SEMA6D: variants seen among roughly 807,000 people sequenced by gnomAD.
The protein encoded by SEMA6D is semaphorin-6D.
In SEMA6D, 35 loss-of-function variants were observed where a neutral mutation model predicts 106.6. The ratio of observed to expected loss-of-function variants is 0.33; its 90% CI spans 0.25 to 0.44. The LOEUF is 0.44. Ranked by LOEUF, SEMA6D falls within the 20% of genes least tolerant of loss-of-function variation. SEMA6D has a pLI of 1.00. For missense variants in SEMA6D, 1,185 were observed against 1,345.9 expected (o/e 0.88, Z 1.87); for synonymous variants, 499 against 487.7 (o/e 1.02, Z -0.31).
intron 1 of SEMA6D, among the ~76,000 whole-genome samples, chr15:47,741,524 C>T (rs764038275): frequency 2.0e-5 from 3 of 152,192 alleles, no homozygotes; most frequent in Non-Finnish European, 4.4e-5. Context: ...CAAGACCAGC[C>T]TGACCAACGT....
intron 1 of SEMA6D, among the ~76,000 whole-genome samples, chr15:47,297,405 C>T (rs750897832): frequency 2.0e-5 from 3 of 152,136 alleles, no homozygotes; most frequent in African/African-American, 7.2e-5. Context: ...TCATATAACC[C>T]GTTACTTTTT....
At chr15:47,438,821 C>T (rs536614327) in intron 2 of SEMA6D, among the ~76,000 whole-genome samples, 4 of 151,888 alleles carry the variant, frequency 2.6e-5, no homozygotes, top group South Asian at 2.1e-4. Context: ...AAACTCCATG[C>T]GGGAGAGAGG....
chr15:47,389,327 A>ACCTTG (rs2039951439), intron 1 of SEMA6D, among the ~76,000 whole-genome samples: 1 of 152,114 alleles, frequency 6.6e-6, no homozygotes, highest in Admixed American at 6.5e-5. Flanking sequence ...CCTTAAGGAG[A>ACCTTG]CTTTGACATT....
chr15:47,544,537 G>T (rs187757488), intron 3 of SEMA6D, among the ~76,000 whole-genome samples: 1 of 152,062 alleles, frequency 6.6e-6, no homozygotes, highest in Non-Finnish European at 1.5e-5. Context: ...AAGTATTAGT[G>T]CATCAGGCCA....
intron 2 of SEMA6D, among the ~76,000 whole-genome samples, chr15:47,434,005 C>T (rs2041621680): frequency 6.6e-6 from 1 of 152,084 alleles, no homozygotes; most frequent in Non-Finnish European, 1.5e-5. Flanking sequence ...AGTAAGTTTT[C>T]ATCATCTGAA....
intron 3 of SEMA6D, among the ~76,000 whole-genome samples, chr15:47,588,858 C>T (rs1035848527): frequency 1.3e-5 from 2 of 152,112 alleles, no homozygotes; most frequent in African/African-American, 4.8e-5. Flanking sequence ...GGTTCTCGAT[C>T]AGGGCAGTTT....
intron 3 of SEMA6D, among the ~76,000 whole-genome samples, chr15:47,483,138 G>A (rs2043200419): frequency 1.3e-5 from 2 of 152,160 alleles, no homozygotes; most frequent in South Asian, 4.2e-4. Context: ...GGGCATGGAG[G>A]GAATTTGGAG....
At chr15:47,725,806 G>T (rs1034155529) in intron 1 of SEMA6D, among the ~76,000 whole-genome samples, 1 of 121,728 alleles carries the variant, frequency 8.2e-6, no homozygotes, top group Admixed American at 8.7e-5. Flanking sequence ...GAATGATCAA[G>T]TCAATTGCTT....
At chr15:47,720,635 C>T (rs1307616521) in intron 1 of SEMA6D, among the ~76,000 whole-genome samples, 1 of 152,130 alleles carries the variant, frequency 6.6e-6, no homozygotes, top group Non-Finnish European at 1.5e-5. Flanking sequence ...TGGTTTCTGT[C>T]GCTTGAAAGG....
At chr15:47,341,237 A>T (rs1486732001) in intron 1 of SEMA6D, among the ~76,000 whole-genome samples, 1 of 152,044 alleles carries the variant, frequency 6.6e-6, no homozygotes, top group Non-Finnish European at 1.5e-5. Context: ...TAAAAATACA[A>T]AAATTAAGCA....
At chr15:47,344,099 T>C (rs2037942571) in intron 1 of SEMA6D, among the ~76,000 whole-genome samples, 1 of 152,132 alleles carries the variant, frequency 6.6e-6, no homozygotes, top group Non-Finnish European at 1.5e-5. Flanking sequence ...CTGGAGAGGA[T>C]GTGGAGAAAT....
intron 1 of SEMA6D, chr15:47,730,985 A>G (rs983857302): frequency 1.1e-5 from 7 of 645,130 alleles, no homozygotes; most frequent in African/African-American, 1.8e-5. Context: ...TTACCTAAGC[A>G]GTACAATCAA....
chr15:47,486,129 G>C (rs1255392421), intron 3 of SEMA6D, among the ~76,000 whole-genome samples: 1 of 152,172 alleles, frequency 6.6e-6, no homozygotes, highest in Non-Finnish European at 1.5e-5. Context: ...CCAGACATAA[G>C]AACTCATTTT....
chr15:47,407,400 C>CAAAAAAAAAAAAAAAAAAAAAA (rs1272439298), intron 1 of SEMA6D, among the ~76,000 whole-genome samples: 1 of 85,224 alleles, frequency 1.2e-5, no homozygotes, highest in Non-Finnish European at 2.7e-5. Context: ...AAAACAACAA[C>CAAAAAAAAAAAAAAAAAAAAAA]AACAACAACA....
intron 4 of SEMA6D, among the ~76,000 whole-genome samples, chr15:47,622,331 T>G (rs368927606): frequency 1.3e-5 from 2 of 152,198 alleles, no homozygotes; most frequent in African/African-American, 4.8e-5. Flanking sequence ...CAAATAAAGC[T>G]GAAATTCTGT....
chr15:47,558,911 A>G (rs1353692672), intron 3 of SEMA6D, among the ~76,000 whole-genome samples: 2 of 152,102 alleles, frequency 1.3e-5, no homozygotes, highest in African/African-American at 4.8e-5. Context: ...AGTAATTAGG[A>G]ACAACTTTAT....
chr15:47,493,753 G>A (rs1162160672), intron 3 of SEMA6D, among the ~76,000 whole-genome samples: 2 of 152,118 alleles, frequency 1.3e-5, no homozygotes, highest in Non-Finnish European at 2.9e-5. Context: ...GAAGCTAAGA[G>A]AAACAAAGTA....
intron 1 of SEMA6D, among the ~76,000 whole-genome samples, chr15:47,218,264 C>G (rs1451848760): frequency 2.0e-5 from 3 of 152,154 alleles, no homozygotes; most frequent in African/African-American, 2.4e-5. Flanking sequence ...GATTGTTGCA[C>G]TCATCCAGTT....
intron 3 of SEMA6D, among the ~76,000 whole-genome samples, chr15:47,540,773 G>A (rs1233325166): frequency 6.6e-6 from 1 of 152,150 alleles, no homozygotes. Context: ...GGAAGTTGAG[G>A]AATTCTTCAA....
Sources: gnomAD v4.1 joint callset for allele counts (sites outside exome capture counted in the v4.1 genomes callset) on GRCh38, gnomAD v4.1.1 for gene constraint, MANE v1.5 for transcripts, NCBI Gene and HGNC (gene_info 2026-07-23, HGNC 2026-07-21) for gene names.